Variants in ARHGEF17 observed in about 807,000 individuals in gnomAD.
ARHGEF17 encodes 164 kDa Rho-specific guanine-nucleotide exchange factor.
In ARHGEF17, 80 loss-of-function variants were observed where a neutral mutation model predicts 174.0. The observed-to-expected ratio is 0.46, with a 90% CI of 0.38 to 0.55. The LOEUF is 0.55. ARHGEF17 is among the 20% of genes least tolerant of loss of function. The pLI is 0.00. For missense variants in ARHGEF17, 2,886 were observed against 2,839.7 expected, an observed-to-expected ratio of 1.02 and a Z score of -0.37; for synonymous variants, 1,311 against 1,189.1, an observed-to-expected ratio of 1.10 and a Z score of -2.11.
chr11:73,362,484 C>T lies in ARHGEF17; in HGVS notation c.4746C>T (p.Ala1582=), dbSNP rs113702360. 1.1e-5 allele frequency: 17 copies of T among 1,596,302 alleles called. No homozygotes were observed. The highest frequency in any genetic ancestry group is 1.3e-5 in the African/African-American group (1 of 74,782). ...CTCCAGAGACGGCACCGGAGCCCGC[C>T]GGGCCGGAGCTGGACGTCGAGGCCG... ...RSPPETAPEP[A]GPELDVEAAA... is the part of the protein sequence containing the mutation. Residue 1582 remains alanine, a synonymous_variant, in exon 14 of 21, where the codon GCC becomes GCT. Transcript: ENST00000263674.
Position 73,368,488 on chromosome 11 carries a change from C to CAGTGATTG in ARHGEF17, c.*709_*716dup, listed in dbSNP as rs1215414657. The CAGTGATTG allele has an allele frequency of 6.6e-6, 1 of 152,174 alleles. No homozygotes were observed. The highest frequency in any genetic ancestry group is 1.5e-5 in the Non-Finnish European group (1 of 68,022). The allele number at this position is 152,174 out of a possible 1,614,324, so 9.4% of individuals were successfully genotyped here. A position where few individuals can be genotyped will look rare whatever the true frequency, so the allele number is the denominator to read the frequency against. Reference sequence around the variant, plus strand: ...GATCAAGATGCTGACTATTAGGGGGCAGTGATTGCCATCTGGGGACCTGTC... The same window carrying CAGTGATTG: ...GATCAAGATGCTGACTATTAGGGGGCAGTGATTGAGTGATTGCCATCTGGGGACCTGTC... On this transcript the variant is annotated 3_prime_UTR_variant, in exon 21 of 21. Coordinates refer to ENST00000263674, the MANE Select transcript of ARHGEF17 (RefSeq NM_014786.4).
chr11:73,362,203 T>G lies in ARHGEF17; in HGVS notation c.4658T>G (p.Ile1553Ser), dbSNP rs2134421899. ...IAVCSARILCIGAVPGLQPRC... is the reference protein window; with the variant it reads ...IAVCSARILCSGAVPGLQPRC... ...GTCTGTTCCGCCCGCATCCTCTGCA[T>G]CGGGGCGGTGCCCGGGCTGCAGCCT... The change falls in exon 13 of 21, where the codon ATC becomes AGC. Residue 1553 changes from isoleucine to serine, a missense_variant. By Grantham distance (142) the Ile-to-Ser change is moderately radical (BLOSUM62 -2). Around this residue, in one of 4 missense-constraint regions of ARHGEF17, gnomAD observed 476 missense variants for 473.1 expected, o/e 1.01. Transcript: ENST00000263674. 1 of 1,561,780 alleles carries G rather than the reference T, an allele frequency of 6.4e-7. No individual in the cohort carries two copies. Among genetic ancestry groups the G allele is most frequent in the Non-Finnish European group, 8.6e-7 (1 of 1,158,214 alleles).
At chr11:73,361,277 TG>T in intron 12 of ARHGEF17, 116 bp downstream of exon 12, 1 of 940,878 alleles carries the variant, frequency 1.1e-6, no homozygotes, top group Non-Finnish European at 1.7e-6. Flanking sequence ...CCTTATGTCT[TG>T]GAGAATTCAG....
At chr11:73,335,623 G>T (rs1260271322) in intron 1 of ARHGEF17, among the ~76,000 whole-genome samples, 2 of 152,120 alleles carry the variant, frequency 1.3e-5, no homozygotes, top group Non-Finnish European at 2.9e-5. Context: ...CTGCCATGTG[G>T]GCCTCTGCTG....
chr11:73,362,839 C>G, intron 14 of ARHGEF17, 105 bp downstream of exon 14: 1 of 1,374,008 alleles, frequency 7.3e-7, no homozygotes, highest in Non-Finnish European at 9.8e-7. Flanking sequence ...TGGCGTCAGA[C>G]CTCAGGATGT....
chr11:73,310,709 G>A lies in ARHGEF17; in HGVS notation c.2071G>A (p.Gly691Arg), dbSNP rs148112775. Residue 691 changes from glycine (G) to arginine (R), a missense_variant, in exon 1 of 21, where the codon GGG (glycine) becomes AGG (arginine). Coordinates refer to ENST00000263674, the MANE Select transcript of ARHGEF17 (RefSeq NM_014786.4). ...CCCTGGGACTGAGGACAGTCTGGGC[G>A]GGTGGGCCCTGGTGTCGCCTGAGAC... ...HGPGTEDSLGGWALVSPETPP... is the reference protein window; with the variant it reads ...HGPGTEDSLGRWALVSPETPP... 2.1e-4 allele frequency: 334 copies of A among 1,613,290 alleles called. No individual in the cohort carries two copies. In the Middle Eastern group the frequency reaches 2.5e-3, roughly 12 times the overall value.
chr11:73,315,693 C>G (rs1488221126), intron 1 of ARHGEF17, among the ~76,000 whole-genome samples: 1 of 152,120 alleles, frequency 6.6e-6, no homozygotes, highest in East Asian at 1.9e-4. Context: ...AGCCCCTTTC[C>G]TCTGTTTATT....
In ARHGEF17 at chr11:73,309,685, G is replaced by T; in HGVS notation, c.1047G>T (p.Pro349=). 6.2e-7 allele frequency: 1 copy of T among 1,613,048 alleles called. No homozygotes were observed. Among genetic ancestry groups the T allele is most frequent in the Non-Finnish European group, 8.5e-7 (1 of 1,179,992 alleles). ...EGLREWGSGS[P]PCVPGPQEGL... is the part of the protein sequence containing the mutation. ...TCCGGGAGTGGGGTAGTGGCTCTCC[G>T]CCCTGCGTCCCAGGTCCCCAGGAGG... is the stretch of plus-strand genomic sequence containing the variant. The change falls in exon 1 of 21, where the codon CCG becomes CCT. Residue 349 remains proline, a synonymous_variant. Transcript: ENST00000263674.
chr11:73,317,992 A>G (rs980283635), intron 1 of ARHGEF17, among the ~76,000 whole-genome samples: 1 of 152,060 alleles, frequency 6.6e-6, no homozygotes, highest in Non-Finnish European at 1.5e-5. Flanking sequence ...GAGGCCTTCA[A>G]TAAGTTCCAT....
At position 73,357,020 on chromosome 11, in the gene ARHGEF17, C is replaced by T; in HGVS notation, c.3892-5C>T. The T allele has an allele frequency of 6.2e-7, 1 of 1,614,042 alleles. No homozygotes were observed. The highest frequency in any genetic ancestry group is 8.5e-7 in the Non-Finnish European group (1 of 1,179,940). The stretch of plus-strand genomic sequence containing the variant: ...CCAGCCTGAATTCTGCCTTGGGCTC[C>T]ACAGAAGGCGATCGGTGGCAAGAAG... On this transcript the variant is annotated splice_polypyrimidine_tract_variant and splice_region_variant and intron_variant, in intron 7 of 20. Coordinates refer to ENST00000263674, the MANE Select transcript of ARHGEF17 (RefSeq NM_014786.4).
rs144251928 is a variant in ARHGEF17, at chr11:73,365,455, T to G, written c.5616T>G (p.Gly1872=). ...CVACMVDSSL[G]VWVTLKGSAH... ...CTTGCATGGTGGACTCCAGCCTGGGTGTGTGGGTGACATTGAAAGGTAGTG... is the reference window on the plus strand; with the variant it reads ...CTTGCATGGTGGACTCCAGCCTGGGGGTGTGGGTGACATTGAAAGGTAGTG... Residue 1872 remains glycine, a synonymous_variant, in exon 19 of 21, where the codon GGT becomes GGG. Coordinates refer to ENST00000263674, the MANE Select transcript of ARHGEF17 (RefSeq NM_014786.4). This position sits in a 1 kb window ranked among gnomAD's most constrained non-coding sequence, Gnocchi z 4.9. 6.8e-6 allele frequency: 11 copies of G among 1,613,908 alleles called. No homozygotes were observed. Among genetic ancestry groups the G allele is most frequent in the Middle Eastern group, 1.6e-4 (1 of 6,062 alleles).
chr11:73,332,532 C>A (rs114515631), intron 1 of ARHGEF17, among the ~76,000 whole-genome samples: 1 of 152,110 alleles, frequency 6.6e-6, no homozygotes, highest in African/African-American at 2.4e-5. Flanking sequence ...TCTGGGCTTT[C>A]CTGTGGTTGG....
At position 73,310,403 on chromosome 11, in the gene ARHGEF17, G is replaced by C; in HGVS notation, c.1765G>C (p.Asp589His). The C allele has an allele frequency of 6.2e-7, 1 of 1,613,968 alleles. No individual in the cohort carries two copies. The change falls in exon 1 of 21, where the codon GAC (aspartate) becomes CAC (histidine). Residue 589 changes from aspartate (D) to histidine (H), a missense_variant. Asp to His is a moderately conservative substitution (Grantham distance 81). This residue lies in a region of ARHGEF17 where 1,728 missense variants were observed against 1,461.2 expected (regional missense o/e 1.18). Transcript: ENST00000263674. ...GGATCCGCTGCCCCTCATCGTCCAG[G>C]ACCAATATGTGCAGGAGGCCCGCCA... Reference protein sequence around the residue: ...EEDPLPLIVQDQYVQEARQVF... With the variant: ...EEDPLPLIVQHQYVQEARQVF...
intron 16 of ARHGEF17, 48 bp from the exon 17 acceptor site, chr11:73,364,124 A>T (rs1222432197): frequency 6.2e-7 from 1 of 1,600,074 alleles, no homozygotes; most frequent in African/African-American, 1.3e-5. Context: ...TGGGTGACCC[A>T]CTTTGGCTGC....
chr11:73,321,509 C>T (rs1865017212), intron 1 of ARHGEF17, among the ~76,000 whole-genome samples: 1 of 152,210 alleles, frequency 6.6e-6, no homozygotes, highest in Admixed American at 6.5e-5. Flanking sequence ...ATTAACAAGT[C>T]ATTGGATCCC....
chr11:73,363,659 G>C, intron 15 of ARHGEF17, 88 bp from the exon 16 acceptor site: 1 of 1,546,706 alleles, frequency 6.5e-7, no homozygotes, highest in South Asian at 1.1e-5. Context: ...CATTGAAGAC[G>C]TGGTGCTAGG....
At chr11:73,335,513 G>C (rs191419507) in intron 1 of ARHGEF17, among the ~76,000 whole-genome samples, 184 of 152,116 alleles carry the variant, frequency 1.2e-3, no homozygotes, top group African/African-American at 4.2e-3. Flanking sequence ...TCTTGAAATT[G>C]GGAGGGAGGG....
At chr11:73,318,948 A>G (rs1472867820) in intron 1 of ARHGEF17, among the ~76,000 whole-genome samples, 4 of 152,144 alleles carry the variant, frequency 2.6e-5, no homozygotes, top group Non-Finnish European at 4.4e-5. Flanking sequence ...GGAGAGATCA[A>G]CGCCTCTGCC....
At chr11:73,344,658 G>A (rs918726080) in intron 1 of ARHGEF17, among the ~76,000 whole-genome samples, 3 of 152,238 alleles carry the variant, frequency 2.0e-5, no homozygotes, top group Non-Finnish European at 4.4e-5. Flanking sequence ...GCTGCGTGTG[G>A]ACAGAGCTGC....
Sources: gnomAD v4.1 joint callset for allele counts (sites outside exome capture counted in the v4.1 genomes callset) on GRCh38, gnomAD v4.1.1 for gene constraint, gnomAD v4.1.1 regional missense constraint, Gnocchi (gnomAD v3.1) non-coding constraint, MANE v1.5 for transcripts, NCBI Gene and HGNC (gene_info 2026-07-23, HGNC 2026-07-21) for gene names.